Variants in RBFOX1 observed in about 807,000 individuals in gnomAD.
RBFOX1 encodes RNA binding fox-1 homolog 1.
A neutral mutation model predicts 57.7 loss-of-function variants in RBFOX1; 8 were observed. The ratio of observed to expected loss-of-function variants is 0.14; its 90% CI spans 0.08 to 0.25. RBFOX1 has a LOEUF of 0.25. Ranked by LOEUF, RBFOX1 falls within the 10% of genes least tolerant of loss-of-function variation. RBFOX1 has a pLI of 1.00. For missense variants in RBFOX1, 611 were observed against 548.5 expected (o/e 1.11, Z -1.14); for synonymous variants, 326 against 222.4 (o/e 1.47, Z -4.15).
chr16:7,518,585 C>T (rs529584566), intron 5 of RBFOX1, among the ~76,000 whole-genome samples, 196 bp downstream of exon 5: 7 of 152,230 alleles, frequency 4.6e-5, no homozygotes, highest in East Asian at 1.9e-4. Flanking sequence ...TTTAAATCAA[C>T]GGATTATTAA....
intron 4 of RBFOX1, among the ~76,000 whole-genome samples, chr16:7,053,080 A>G (rs2050666347): frequency 6.6e-6 from 1 of 152,206 alleles, no homozygotes; most frequent in South Asian, 2.1e-4. Context: ...ACTGCCCTGT[A>G]ACTTTTCAGA....
At chr16:6,236,438 TA>T (rs2152917909) in intron 1 of RBFOX1, among the ~76,000 whole-genome samples, 1 of 137,656 alleles carries the variant, frequency 7.3e-6, no homozygotes, top group African/African-American at 3.5e-5. Flanking sequence ...TTATGATGTT[TA>T]TTTTTTTTTT....
chr16:6,957,536 G>A (rs1233112501), intron 3 of RBFOX1, among the ~76,000 whole-genome samples: 1 of 152,142 alleles, frequency 6.6e-6, no homozygotes. Flanking sequence ...GAGTGTAGCA[G>A]TGGGGACGAT....
At chr16:6,849,813 A>G (rs2093969720) in intron 3 of RBFOX1, among the ~76,000 whole-genome samples, 1 of 151,998 alleles carries the variant, frequency 6.6e-6, no homozygotes, top group Non-Finnish European at 1.5e-5. Context: ...CCCACTGAAA[A>G]TCCTCTCTCC....
chr16:6,090,491 C>T (rs374411484), intron 1 of RBFOX1, among the ~76,000 whole-genome samples: 1 of 152,176 alleles, frequency 6.6e-6, no homozygotes, highest in East Asian at 1.9e-4. Context: ...AACCATGATG[C>T]TTTTGGCTCC....
intron 2 of RBFOX1, among the ~76,000 whole-genome samples, chr16:6,433,803 A>G (rs964313262): frequency 6.7e-5 from 10 of 148,378 alleles, no homozygotes; most frequent in African/African-American, 1.7e-4. Flanking sequence ...CTGCTCCATC[A>G]TCACACCTCC....
intron 1 of RBFOX1, among the ~76,000 whole-genome samples, chr16:6,049,890 G>C (rs982300328): frequency 1.3e-5 from 2 of 150,690 alleles, no homozygotes; most frequent in Admixed American, 1.3e-4. Flanking sequence ...AATAAAGGCA[G>C]TACACTGTGA....
At chr16:6,034,083 C>T (rs772580911) in intron 1 of RBFOX1, among the ~76,000 whole-genome samples, 102 of 151,942 alleles carry the variant, frequency 6.7e-4, no homozygotes, top group Non-Finnish European at 1.0e-3. Flanking sequence ...GCCCGTAATC[C>T]CAGCCCTTTG....
Position 7,381,911 on chromosome 16 carries a change from C to T in RBFOX1, c.28-136236C>T, listed in dbSNP as rs143432466. On this transcript the variant is annotated intron_variant, in intron 4 of 15. Coordinates refer to ENST00000550418, the MANE Select transcript of RBFOX1 (RefSeq NM_018723.4). ...ACTAAATGCCAACTGTAGTTCTCCC[C>T]ACACTGTGATGCCCAAAGATGTCTC... Among the ~76,000 whole-genome samples the T allele has an allele frequency of 1.0e-3, 157 of 152,292 alleles. 2 individuals are homozygous for T. In the East Asian group the frequency reaches 0.028, roughly 27 times the overall value.
chr16:7,641,327 G>A (rs2062753077), intron 11 of RBFOX1, among the ~76,000 whole-genome samples: 1 of 152,198 alleles, frequency 6.6e-6, no homozygotes, highest in African/African-American at 2.4e-5. Context: ...GCCTGGTGTA[G>A]TTCATATAAA....
intron 3 of RBFOX1, among the ~76,000 whole-genome samples, chr16:6,786,329 C>A (rs528352226): frequency 6.6e-6 from 1 of 152,204 alleles, no homozygotes; most frequent in South Asian, 2.1e-4. Flanking sequence ...TTACAAAGGC[C>A]CACAATGTAC....
chr16:6,977,169 C>T (rs1200310694), intron 3 of RBFOX1, among the ~76,000 whole-genome samples: 1 of 142,966 alleles, frequency 7.0e-6, no homozygotes, highest in African/African-American at 2.6e-5. Flanking sequence ...CATATATTAT[C>T]ATATATAGAT....
In RBFOX1 at chr16:5,967,267, A is replaced by G. The variant is rs78592526; in HGVS notation, c.351+99932A>G. On this transcript the variant is annotated intron_variant, in intron 4 of 19. Coordinates refer to the RBFOX1 transcript ENST00000641259. ...TCTACTAATCCCTAAAAATGAGCAT[A>G]TATCAATCTATGAATAATTTTTATA... Among the ~76,000 whole-genome samples, 502 of 152,336 alleles carry G rather than the reference A, an allele frequency of 3.3e-3. 2 individuals are homozygous for G. The highest frequency in any genetic ancestry group is 0.012 in the African/African-American group (486 of 41,574).
chr16:6,255,570 C>T (rs909187313), intron 1 of RBFOX1, among the ~76,000 whole-genome samples: 6 of 152,064 alleles, frequency 3.9e-5, no homozygotes, highest in Non-Finnish European at 8.8e-5. Context: ...AGGAGGAATG[C>T]GCTGTTCAGT....
intron 2 of RBFOX1, among the ~76,000 whole-genome samples, chr16:6,581,615 A>G (rs902672980): frequency 5.3e-5 from 8 of 152,198 alleles, no homozygotes; most frequent in South Asian, 2.1e-4. Flanking sequence ...TTGCCTGTCT[A>G]TGAAAATACT....
chr16:7,143,482 T>C (rs905296035), intron 4 of RBFOX1, among the ~76,000 whole-genome samples: 7 of 152,006 alleles, frequency 4.6e-5, no homozygotes, highest in Non-Finnish European at 1.0e-4. Context: ...AAGCAGAAAA[T>C]TAGCCATATT....
At chr16:5,634,935 T>C (rs1456472467) in intron 3 of RBFOX1, among the ~76,000 whole-genome samples, 1 of 152,200 alleles carries the variant, frequency 6.6e-6, no homozygotes, top group Non-Finnish European at 1.5e-5. Context: ...TCTCCTTAGA[T>C]CATGCACCTT....
In RBFOX1 at chr16:6,637,197, T is replaced by A. The variant is rs569206306; in HGVS notation, c.-63-17406T>A. Among the ~76,000 whole-genome samples, 45 of 73,542 alleles carry A rather than the reference T, an allele frequency of 6.1e-4. 4 individuals are homozygous for A. The East Asian group carries it at 0.016, about 27-fold the overall frequency. The allele number at this position is 73,542 out of a possible 152,430, so 48.2% of individuals were successfully genotyped here. On this transcript the variant is annotated intron_variant, in intron 2 of 15. Transcript: ENST00000550418. ...TATATTATATAATATACAATATATA[T>A]TATATATTATATATATTATATAATA...
At chr16:5,737,593 A>ACT (rs1382613469) in intron 3 of RBFOX1, among the ~76,000 whole-genome samples, 6 of 150,436 alleles carry the variant, frequency 4.0e-5, no homozygotes, top group African/African-American at 1.2e-4. Flanking sequence ...TATGTGGCTA[A>ACT]CTCTTTATCC....
Sources: gnomAD v4.1 joint callset for allele counts (sites outside exome capture counted in the v4.1 genomes callset) on GRCh38, gnomAD v4.1.1 for gene constraint, MANE v1.5 for transcripts, NCBI Gene and HGNC (gene_info 2026-07-23, HGNC 2026-07-21) for gene names.